Variants in LPP observed in about 807,000 individuals in gnomAD.
The protein encoded by LPP is lipoma-preferred partner.
In LPP, 38 loss-of-function variants were observed where a neutral mutation model predicts 60.4. The observed-to-expected ratio is 0.63, with a 90% CI of 0.49 to 0.83. The LOEUF (loss-of-function observed/expected upper bound fraction) is 0.83. Ranked by LOEUF, LPP falls within the 40% of genes least tolerant of loss-of-function variation. The pLI, the probability that LPP is intolerant of heterozygous loss-of-function variation, is 0.00. For synonymous variants in LPP, 328 were observed against 290.8 expected, an observed-to-expected ratio of 1.13 and a Z score of -1.30; for missense variants, 902 against 783.6, an observed-to-expected ratio of 1.15 and a Z score of -1.80.
chr3:188,529,054 A>G (rs2150246575), intron 6 of LPP, among the ~76,000 whole-genome samples: 1 of 152,326 alleles, frequency 6.6e-6, no homozygotes, highest in Non-Finnish European at 1.5e-5. Flanking sequence ...TTTTTCTATT[A>G]CTATGATTTA....
chr3:188,885,443 A>C lies in LPP; in HGVS notation c.*10964A>C, dbSNP rs926028116. Reference sequence around the variant, plus strand: ...AGGGCGACATTAATGGGAGCGGGAGAGTGGTGGCTTTGGTTGAGATGCACG... The same window carrying C: ...AGGGCGACATTAATGGGAGCGGGAGCGTGGTGGCTTTGGTTGAGATGCACG... On this transcript the variant is annotated 3_prime_UTR_variant, in exon 12 of 12. Transcript: ENST00000617246. 3 of 189,162 alleles carry C rather than the reference A, an allele frequency of 1.6e-5. No homozygotes were observed. The highest frequency in any genetic ancestry group is 7.0e-5 in the African/African-American group (3 of 42,778). 11.7% of individuals were successfully genotyped at this position (189,162 alleles called of 1,614,324 possible). A position where few individuals can be genotyped will look rare whatever the true frequency, so the allele number is the denominator to read the frequency against.
At chr3:188,552,782 A>G (rs1038143489) in intron 6 of LPP, among the ~76,000 whole-genome samples, 3 of 152,180 alleles carry the variant, frequency 2.0e-5, no homozygotes, top group African/African-American at 7.2e-5. Context: ...GCTCACCTGG[A>G]TAATTCAGGC....
chr3:188,186,204 C>T (rs1726555869), intron 1 of LPP, among the ~76,000 whole-genome samples: 2 of 152,196 alleles, frequency 1.3e-5, no homozygotes, highest in Non-Finnish European at 2.9e-5. Context: ...CCTTGGTGTG[C>T]TTCTGGGCCA....
At chr3:188,445,791 T>A (rs189390346) in intron 4 of LPP, among the ~76,000 whole-genome samples, 2 of 152,250 alleles carry the variant, frequency 1.3e-5, no homozygotes, top group East Asian at 3.9e-4. Context: ...AATAAATATA[T>A]AATAGCTCAA....
intron 9 of LPP, among the ~76,000 whole-genome samples, chr3:188,845,095 C>T (rs376077443): frequency 1.8e-4 from 27 of 152,304 alleles, no homozygotes; most frequent in African/African-American, 6.5e-4. Context: ...TTTGAAAATG[C>T]AGTTCACACT....
At chr3:188,866,999 T>A (rs1766805292) in intron 10 of LPP, among the ~76,000 whole-genome samples, 1 of 152,136 alleles carries the variant, frequency 6.6e-6, no homozygotes, top group Non-Finnish European at 1.5e-5. Flanking sequence ...TCTCAAGTTA[T>A]TTTTTAATAG....
rs1235575791 is a variant in LPP, at chr3:188,207,619, TTC to T, written c.-189-17784_-189-17783del. ...GGTTCAAATCTTTCTTTTCTTTTTC[TTC>T]TTTTTTTTTTTTTTTTTTAAAGATG... is the stretch of plus-strand genomic sequence containing the variant. On this transcript the variant is annotated intron_variant, in intron 1 of 11. Coordinates refer to ENST00000617246, the MANE Select transcript of LPP (RefSeq NM_001375462.1). 2.3e-4 allele frequency among the ~76,000 whole-genome samples: 35 copies of T among 149,386 alleles called. No individual in the cohort carries two copies. The East Asian group carries it at 6.4e-3, about 27-fold the overall frequency.
At chr3:188,696,745 C>A (rs1863324639) in intron 7 of LPP, among the ~76,000 whole-genome samples, 1 of 152,156 alleles carries the variant, frequency 6.6e-6, no homozygotes, top group South Asian at 2.1e-4. Flanking sequence ...ACCTATATAT[C>A]TAAGGCATAC....
chr3:188,454,633 C>G (rs1260640826), intron 4 of LPP, among the ~76,000 whole-genome samples: 1 of 152,100 alleles, frequency 6.6e-6, no homozygotes, highest in Non-Finnish European at 1.5e-5. Flanking sequence ...ATTGGACTTA[C>G]AATTCCACAT....
chr3:188,854,663 A>G (rs1174157644), intron 9 of LPP, among the ~76,000 whole-genome samples: 3 of 152,220 alleles, frequency 2.0e-5, no homozygotes, highest in Non-Finnish European at 2.9e-5. Context: ...CAGGAGTTAT[A>G]GGCTTAAAGT....
chr3:188,747,265 A>C (rs1401072069), intron 8 of LPP, among the ~76,000 whole-genome samples: 2 of 152,178 alleles, frequency 1.3e-5, no homozygotes, highest in African/African-American at 4.8e-5. Flanking sequence ...ACAGGTAGAA[A>C]TATGATTTCT....
chr3:188,407,777 TTTGTTTG>T (rs1480629868), intron 4 of LPP, among the ~76,000 whole-genome samples: 3 of 51,952 alleles, frequency 5.8e-5, no homozygotes, highest in East Asian at 5.2e-4. Flanking sequence ...GGTTTTTTTT[TTTGTTTG>T]TTTGTTTTTT....
At chr3:188,279,017 G>T (rs1359899670) in intron 2 of LPP, among the ~76,000 whole-genome samples, 2 of 152,200 alleles carry the variant, frequency 1.3e-5, no homozygotes, top group Non-Finnish European at 1.5e-5. Flanking sequence ...AGGCTTCTGA[G>T]AATGTAAATG....
At chr3:188,447,824 A>G (rs187663538) in intron 4 of LPP, among the ~76,000 whole-genome samples, 180 of 152,086 alleles carry the variant, frequency 1.2e-3, no homozygotes, top group Non-Finnish European at 2.1e-4. Flanking sequence ...CAGTATGGCC[A>G]TAGAGTAGGG....
rs1329142343 is a variant in LPP, at chr3:188,870,524, T to C, written c.1590-2119T>C. Among the ~76,000 whole-genome samples the C allele has an allele frequency of 2.0e-5, 3 of 152,360 alleles. No homozygotes were observed. In the East Asian group the frequency reaches 5.8e-4, roughly 29 times the overall value. On this transcript the variant is annotated intron_variant, in intron 10 of 11. Transcript: ENST00000617246. Reference sequence around the variant, plus strand: ...CTCTGAGCCTTCGCTCTGTTGGCTGTAAAGTAGAAATGATAAAAATACTTC... The same window carrying C: ...CTCTGAGCCTTCGCTCTGTTGGCTGCAAAGTAGAAATGATAAAAATACTTC...
At chr3:188,672,667 G>A (rs1299243789) in intron 7 of LPP, among the ~76,000 whole-genome samples, 1 of 152,156 alleles carries the variant, frequency 6.6e-6, no homozygotes, top group Non-Finnish European at 1.5e-5. Context: ...TAAGCTGTCT[G>A]TGCCCTTCCT....
rs1274790048 is a variant in LPP at position 188,394,221 on chromosome 3, G to A, written c.-9-11891G>A. ...TGAGTGGGAAACAAATAAATTACCT[G>A]AAATATATAAAGGTCTGCTATGTAT... On this transcript the variant is annotated intron_variant, in intron 3 of 11. Transcript: ENST00000617246. 2.6e-5 allele frequency among the ~76,000 whole-genome samples: 4 copies of A among 152,174 alleles called. No individual in the cohort carries two copies. In the East Asian group the frequency reaches 5.8e-4, roughly 22 times the overall value.
At chr3:188,336,266 C>G (rs1761600961) in intron 2 of LPP, among the ~76,000 whole-genome samples, 1 of 152,042 alleles carries the variant, frequency 6.6e-6, no homozygotes, top group South Asian at 2.1e-4. Flanking sequence ...CAGGATCTTG[C>G]CAACCTATTG....
intron 6 of LPP, among the ~76,000 whole-genome samples, chr3:188,545,828 G>A (rs116343285): frequency 1.4e-3 from 216 of 152,214 alleles, no homozygotes; most frequent in African/African-American, 5.1e-3. Context: ...ATACACTGTT[G>A]ATTGAGGTCC....
Sources: allele counts gnomAD v4.1 joint callset (sites outside exome capture counted in the v4.1 genomes callset), GRCh38; gene constraint gnomAD v4.1.1; transcripts MANE v1.5; gene names NCBI Gene and HGNC (gene_info 2026-07-23, HGNC 2026-07-21).